The following CDKL1 variants were observed in gnomAD, a reference collection of about 807,000 sequenced individuals.
CDKL1 encodes cyclin-dependent kinase-like 1.
CDKL1 carries 41 observed loss-of-function variants against 42.0 expected under a neutral mutation model. The observed-to-expected ratio is 0.98, with a 90% confidence interval of 0.76 to 1.27. The LOEUF (loss-of-function observed/expected upper bound fraction) is 1.27. CDKL1 is among the 50% of genes most tolerant of loss of function. The pLI is 0.00. For synonymous variants in CDKL1, 153 were observed against 158.6 expected (o/e 0.96, Z 0.26); for missense variants, 394 against 428.4 (o/e 0.92, Z 0.71).
chr14:50,345,683 G>C (rs769102920), intron 3 of CDKL1, among the ~76,000 whole-genome samples: 1 of 152,110 alleles, frequency 6.6e-6, no homozygotes, highest in Non-Finnish European at 1.5e-5. Flanking sequence ...CTCCCCCATC[G>C]TAAATTGTTA....
At chr14:50,334,657 T>C (rs921375699) in intron 7 of CDKL1, 36 bp from the exon 8 acceptor site, 1 of 1,225,982 alleles carries the variant, frequency 8.2e-7, no homozygotes, top group Non-Finnish European at 1.2e-6. Flanking sequence ...ATTTACAGCA[T>C]GTATTCAAAT....
chr14:50,370,853 G>A (rs986816370), intron 2 of CDKL1, among the ~76,000 whole-genome samples: 1 of 152,152 alleles, frequency 6.6e-6, no homozygotes, highest in Admixed American at 6.5e-5. Flanking sequence ...AGTAATGAGG[G>A]ATCTGCCCCC....
intron 4 of CDKL1, among the ~76,000 whole-genome samples, chr14:50,343,893 G>A (rs900058067): frequency 2.0e-5 from 3 of 152,208 alleles, no homozygotes; most frequent in African/African-American, 7.2e-5. Flanking sequence ...GCTCCTCAGG[G>A]AGAAGTGCTG....
intron 4 of CDKL1, chr14:50,343,073 C>T (rs778755620): frequency 5.1e-5 from 66 of 1,302,824 alleles, no homozygotes; most frequent in Non-Finnish European, 6.3e-5. Flanking sequence ...GAGAAAAGAA[C>T]GTTTGAGAAT....
In CDKL1 at chr14:50,359,204, C is replaced by G. The variant is rs921039739; in HGVS notation, c.169-55G>C. Reference sequence around the variant, plus strand: ...TTTGACTTGTGAAAGACAGCTTTCTCTAATCTTGATCCAATAAAAAGTAAG... The same window carrying G: ...TTTGACTTGTGAAAGACAGCTTTCTGTAATCTTGATCCAATAAAAAGTAAG... On this transcript the variant is annotated intron_variant, in intron 2 of 9. Transcript: ENST00000395834. The G allele has an allele frequency of 3.4e-5, 54 of 1,566,436 alleles. No individual in the cohort carries two copies. In the African/African-American group the frequency reaches 5.5e-4, roughly 16 times the overall value.
At chr14:50,383,567 A>C (rs2034986797) in intron 2 of CDKL1, among the ~76,000 whole-genome samples, 1 of 58,496 alleles carries the variant, frequency 1.7e-5, no homozygotes, top group South Asian at 3.6e-4. Flanking sequence ...AAAAAAAAAC[A>C]AACAACAACA....
intron 9 of CDKL1, chr14:50,332,023 C>T: frequency 6.5e-7 from 1 of 1,537,210 alleles, no homozygotes. Flanking sequence ...CTCATGCAGG[C>T]TGGAAACCCT....
At chr14:50,342,912 G>C in intron 4 of CDKL1, 1 of 1,340,902 alleles carries the variant, frequency 7.5e-7, no homozygotes, top group Non-Finnish European at 9.9e-7. Context: ...TCACCCTCTG[G>C]GGAGAGTCGC....
rs1455212623 is a variant in CDKL1 at position 50,329,066 on chromosome 14, T to C, written c.*1008A>G. On this transcript the variant is annotated 3_prime_UTR_variant, in exon 10 of 10. Coordinates refer to ENST00000395834, the MANE Select transcript of CDKL1 (RefSeq NM_004196.7). ...ATATATATATATATATATATATACA[T>C]ACACATACATACACATACAAACATA... The C allele has an allele frequency of 5.5e-5, 8 of 144,834 alleles. No individual in the cohort carries two copies. The highest frequency in any genetic ancestry group is 2.2e-4 in the South Asian group (1 of 4,594). 9.0% of individuals were successfully genotyped at this position (144,834 alleles called of 1,614,324 possible).
chr14:50,332,494 A>G, intron 8 of CDKL1, 62 bp from the exon 9 acceptor site: 6 of 1,543,430 alleles, frequency 3.9e-6, no homozygotes, highest in South Asian at 1.3e-5. Flanking sequence ...TATTAATGTC[A>G]TTTTTTTCTT....
intron 2 of CDKL1, among the ~76,000 whole-genome samples, chr14:50,366,727 C>T (rs757076328): frequency 4.0e-5 from 6 of 151,410 alleles, no homozygotes; most frequent in African/African-American, 9.8e-5. Flanking sequence ...CAGAATAGTC[C>T]GGATGTGGTG....
intron 3 of CDKL1, among the ~76,000 whole-genome samples, chr14:50,356,155 T>A (rs2034050533): frequency 6.6e-6 from 1 of 152,210 alleles, no homozygotes; most frequent in African/African-American, 2.4e-5. Flanking sequence ...AACACCAGCA[T>A]CAGTAGCTTA....
At chr14:50,380,994 CA>C (rs1246375100) in intron 2 of CDKL1, among the ~76,000 whole-genome samples, 3 of 152,132 alleles carry the variant, frequency 2.0e-5, no homozygotes, top group African/African-American at 7.2e-5. Flanking sequence ...CAAATTGTTG[CA>C]CCTTGTATCC....
At chr14:50,369,919 AATTATATAT>A (rs2034543291) in intron 2 of CDKL1, among the ~76,000 whole-genome samples, 1 of 151,884 alleles carries the variant, frequency 6.6e-6, no homozygotes. Context: ...ATGCCTGGCT[AATTATATAT>A]GTTTATGGGG....
chr14:50,380,062 T>G lies in CDKL1; in HGVS notation c.168+15639A>C, dbSNP rs539926610. ...GAGATAACTTCCTCCACTTGAGAAA[T>G]GCAAAATTGGCATAGGTATGCTTAA... On this transcript the variant is annotated intron_variant, in intron 2 of 9. Transcript: ENST00000395834. The G allele has an allele frequency of 2.1e-5, 10 of 483,278 alleles. No individual in the cohort carries two copies. In the East Asian group the frequency reaches 5.0e-4, roughly 24 times the overall value. 29.9% of individuals were successfully genotyped at this position (483,278 alleles called of 1,614,324 possible).
intron 9 of CDKL1, 171 bp from the exon 10 acceptor site, chr14:50,330,352 C>A: frequency 1.3e-6 from 1 of 742,566 alleles, no homozygotes; most frequent in Non-Finnish European, 2.0e-6. Context: ...CTTGGCTTTT[C>A]CTTTTAAATG....
intron 8 of CDKL1, 104 bp from the exon 9 acceptor site, chr14:50,332,536 A>T: frequency 6.7e-7 from 1 of 1,497,698 alleles, no homozygotes; most frequent in Non-Finnish European, 8.9e-7. Flanking sequence ...TTGCAATAAG[A>T]AGGGGGAAAA....
chr14:50,390,113 G>T (rs2035210947), intron 2 of CDKL1: 1 of 1,349,724 alleles, frequency 7.4e-7, no homozygotes, highest in South Asian at 1.1e-5. Context: ...AAATTTACTA[G>T]GTCCCTTGCC....
chr14:50,360,431 G>A (rs950050383), intron 2 of CDKL1, among the ~76,000 whole-genome samples: 3 of 151,736 alleles, frequency 2.0e-5, no homozygotes, highest in Admixed American at 6.6e-5. Context: ...TTTTTGAGAC[G>A]GAGTCTCACT....
Sources: allele counts gnomAD v4.1 joint callset (sites outside exome capture counted in the v4.1 genomes callset), GRCh38; gene constraint gnomAD v4.1.1; transcripts MANE v1.5; gene names NCBI Gene and HGNC (gene_info 2026-07-23, HGNC 2026-07-21).